The following FAM168A variants were observed in gnomAD, a reference collection of about 807,000 sequenced individuals.
The protein encoded by FAM168A is protein FAM168A.
Under a neutral mutation model 28.5 loss-of-function variants are expected in FAM168A, and 3 were observed. That is an observed-to-expected ratio of 0.11 (90% confidence interval 0.05 to 0.27). The LOEUF (loss-of-function observed/expected upper bound fraction) is 0.27, where lower values mean the gene tolerates loss of function less well. Among genes scored for constraint, FAM168A ranks in the 10% least tolerant of loss-of-function variants. FAM168A has a pLI of 1.00. For synonymous variants in FAM168A, 122 were observed against 124.2 expected (o/e 0.98, Z 0.12); for missense variants, 222 against 311.5 (o/e 0.71, Z 2.16).
chr11:73,520,840 G>C (rs112892576), intron 1 of FAM168A, among the ~76,000 whole-genome samples: 1 of 151,716 alleles, frequency 6.6e-6, no homozygotes, highest in East Asian at 1.9e-4. Flanking sequence ...AAAAGATGTG[G>C]TTATATATTA....
intron 1 of FAM168A, among the ~76,000 whole-genome samples, chr11:73,478,340 T>C (rs1332604293): frequency 6.6e-6 from 1 of 152,226 alleles, no homozygotes; most frequent in South Asian, 2.1e-4. Context: ...GAAAATATTA[T>C]GCTAAGTGGA....
intron 3 of FAM168A, among the ~76,000 whole-genome samples, chr11:73,423,592 A>C (rs1363156696): frequency 2.0e-5 from 3 of 152,172 alleles, no homozygotes; most frequent in Non-Finnish European, 4.4e-5. Context: ...TCTGGCATGT[A>C]TCTCCCCAAA....
intron 1 of FAM168A, among the ~76,000 whole-genome samples, chr11:73,541,735 A>T (rs1943660593): frequency 6.6e-6 from 1 of 152,182 alleles, no homozygotes; most frequent in African/African-American, 2.4e-5. Flanking sequence ...TAGATTTGTT[A>T]TGATGATTAA....
intron 1 of FAM168A, among the ~76,000 whole-genome samples, chr11:73,553,413 A>G (rs1411848898): frequency 6.6e-6 from 1 of 152,166 alleles, no homozygotes; most frequent in Admixed American, 6.5e-5. Context: ...AAGAAGGAAT[A>G]AAGACCTGAT....
chr11:73,575,608 A>T lies in FAM168A; in HGVS notation c.-19+22315T>A, dbSNP rs572344576. ...GAAATGGCCGGGTGTGGTGGCTCACACCTGTAATCCCAGCACTTTGGGAGG... is the reference window on the plus strand; with the variant it reads ...GAAATGGCCGGGTGTGGTGGCTCACTCCTGTAATCCCAGCACTTTGGGAGG... On this transcript the variant is annotated intron_variant, in intron 1 of 7. Coordinates refer to ENST00000356467, the MANE Select transcript of FAM168A (RefSeq NM_015159.3). Among the ~76,000 whole-genome samples, 18 of 152,250 alleles carry T rather than the reference A, an allele frequency of 1.2e-4. No individual in the cohort carries two copies. In the South Asian group the frequency reaches 3.5e-3, roughly 30 times the overall value.
intron 2 of FAM168A, among the ~76,000 whole-genome samples, chr11:73,436,078 AAG>A (rs1430170821): frequency 7.2e-5 from 11 of 151,936 alleles, no homozygotes; most frequent in Non-Finnish European, 1.6e-4. Flanking sequence ...GTCAAGAGTG[AAG>A]AGAATAAATG....
chr11:73,462,337 C>CCAGT (rs1867661110), intron 2 of FAM168A, among the ~76,000 whole-genome samples: 1 of 152,088 alleles, frequency 6.6e-6, no homozygotes, highest in South Asian at 2.1e-4. Flanking sequence ...GTGAAATAAG[C>CCAGT]CAGTCACACA....
chr11:73,454,497 C>T (rs998790497), intron 2 of FAM168A, among the ~76,000 whole-genome samples: 40 of 152,208 alleles, frequency 2.6e-4, no homozygotes, highest in Non-Finnish European at 1.2e-4. Flanking sequence ...TGACACCAAC[C>T]TCTTGATAGG....
intron 2 of FAM168A, among the ~76,000 whole-genome samples, chr11:73,431,529 G>C (rs1436418976): frequency 2.6e-5 from 4 of 152,130 alleles, no homozygotes; most frequent in African/African-American, 9.7e-5. Flanking sequence ...TCAGTGGTGT[G>C]CTGGTAAATA....
chr11:73,439,126 G>C (rs1867146868), intron 2 of FAM168A, among the ~76,000 whole-genome samples: 2 of 152,184 alleles, frequency 1.3e-5, no homozygotes, highest in African/African-American at 4.8e-5. Context: ...CAGCAGTTCT[G>C]TAGTGCTGGC....
At chr11:73,455,694 G>T (rs1282513894) in intron 2 of FAM168A, among the ~76,000 whole-genome samples, 1 of 152,152 alleles carries the variant, frequency 6.6e-6, no homozygotes, top group Non-Finnish European at 1.5e-5. Flanking sequence ...GCAATTTAAA[G>T]AACAGAGTAT....
At chr11:73,519,314 A>C (rs1004089964) in intron 1 of FAM168A, among the ~76,000 whole-genome samples, 7 of 152,132 alleles carry the variant, frequency 4.6e-5, no homozygotes, top group African/African-American at 1.7e-4. Context: ...TCCTTCATTC[A>C]TTCAGGCTTT....
At chr11:73,527,946 T>G (rs1943467697) in intron 1 of FAM168A, among the ~76,000 whole-genome samples, 1 of 152,104 alleles carries the variant, frequency 6.6e-6, no homozygotes, top group Admixed American at 6.6e-5. Flanking sequence ...ATCCTAAGAT[T>G]CCCTCAATAA....
At chr11:73,504,216 C>T (rs1480756502) in intron 1 of FAM168A, among the ~76,000 whole-genome samples, 1 of 152,078 alleles carries the variant, frequency 6.6e-6, no homozygotes, top group South Asian at 2.1e-4. Context: ...AGTGAACAAG[C>T]AACCTACAGA....
rs557088991 is a variant in FAM168A, at chr11:73,583,023, G to A, written c.-19+14900C>T. On this transcript the variant is annotated intron_variant, in intron 1 of 7. Transcript: ENST00000356467. ...AGACACTCTATTAAAACTCAGCCCA[G>A]GCCAGGTGCAATGGCTCATGCCTAT... 2.6e-5 allele frequency among the ~76,000 whole-genome samples: 4 copies of A among 152,328 alleles called. No homozygotes were observed. In the East Asian group the frequency reaches 5.8e-4, roughly 22 times the overall value.
intron 1 of FAM168A, among the ~76,000 whole-genome samples, chr11:73,476,832 T>C (rs1040965209): frequency 1.1e-4 from 17 of 151,906 alleles, no homozygotes; most frequent in African/African-American, 3.6e-4. Context: ...GAAGCAAACG[T>C]GAGCTGGCAG....
At chr11:73,550,545 C>T (rs1029393939) in intron 1 of FAM168A, among the ~76,000 whole-genome samples, 2 of 152,100 alleles carry the variant, frequency 1.3e-5, no homozygotes, top group East Asian at 1.9e-4. Flanking sequence ...GTCCTAGCTA[C>T]TCAGGAGGCT....
At chr11:73,465,573 C>CA (rs1867722314) in intron 2 of FAM168A, among the ~76,000 whole-genome samples, 1 of 76,670 alleles carries the variant, frequency 1.3e-5, no homozygotes, top group African/African-American at 1.3e-4. Flanking sequence ...ATTAGGGTGC[C>CA]AGCATGGTCA....
chr11:73,468,291 G>A, intron 2 of FAM168A, 114 bp downstream of exon 2: 1 of 908,822 alleles, frequency 1.1e-6, no homozygotes, highest in Non-Finnish European at 1.7e-6. Context: ...TCTTCTGCAT[G>A]TTCCCAAACT....
Sources: gnomAD v4.1 joint callset for allele counts (sites outside exome capture counted in the v4.1 genomes callset) on GRCh38, gnomAD v4.1.1 for gene constraint, MANE v1.5 for transcripts, NCBI Gene and HGNC (gene_info 2026-07-23, HGNC 2026-07-21) for gene names.